CSTF3: variants seen among roughly 807,000 people sequenced by gnomAD.
CSTF3 encodes the protein CF-1 77 kDa subunit.
CSTF3 carries 29 observed loss-of-function variants against 105.8 expected under a neutral mutation model. The observed-to-expected ratio is 0.27, with a 90% CI of 0.20 to 0.37. The LOEUF (loss-of-function observed/expected upper bound fraction) is 0.37, where lower values mean the gene tolerates loss of function less well. CSTF3 is among the 10% of genes least tolerant of loss of function. The pLI is 1.00. For missense variants in CSTF3, 357 were observed against 879.3 expected, an observed-to-expected ratio of 0.41 and a Z score of 7.51; for synonymous variants, 252 against 281.9, an observed-to-expected ratio of 0.89 and a Z score of 1.06.
intron 15 of CSTF3, among the ~76,000 whole-genome samples, chr11:33,095,540 G>C (rs1385852863): frequency 6.6e-6 from 1 of 152,072 alleles, no homozygotes; most frequent in African/African-American, 2.4e-5. Flanking sequence ...ACTAAAAACC[G>C]GCCGGGCGCG....
At position 33,099,152 on chromosome 11, in the gene CSTF3, TGGTA is replaced by T. The variant is rs1449381060; in HGVS notation, c.937-6_937-3del. On this transcript the variant is annotated splice_polypyrimidine_tract_variant and splice_region_variant and intron_variant, in intron 11 of 20. Transcript: ENST00000323959. This position sits in a 1 kb window ranked among gnomAD's most constrained non-coding sequence, Gnocchi z 4.1. Reference sequence around the variant, plus strand: ...AAATAATTTGGCATTATTCATATCCTGGTAGAAAAAAAAGAAAGCTCATCTTCAA... The same window carrying T: ...AAATAATTTGGCATTATTCATATCCTGAAAAAAAAGAAAGCTCATCTTCAA... The T allele has an allele frequency of 4.5e-6, 7 of 1,571,980 alleles. No individual in the cohort carries two copies. Among genetic ancestry groups the T allele is most frequent in the Non-Finnish European group, 6.0e-6 (7 of 1,170,620 alleles).
rs75430271 is a variant in CSTF3 at position 33,153,298 on chromosome 11, A to G, written c.27+8001T>C. The stretch of plus-strand genomic sequence containing the variant: ...GAAAAGGGAGGAAAGACCATTTTTA[A>G]CAGCCTTTACATACAATTGTGGATA... On this transcript the variant is annotated intron_variant, in intron 1 of 20. Transcript: ENST00000323959. Among the ~76,000 whole-genome samples, 1,398 of 152,298 alleles carry G rather than the reference A, an allele frequency of 9.2e-3. 21 individuals carry two copies. The highest frequency in any genetic ancestry group is 0.031 in the African/African-American group (1,302 of 41,572).
chr11:33,156,766 A>G (rs1270541677), intron 1 of CSTF3: 2 of 453,292 alleles, frequency 4.4e-6, no homozygotes, highest in Non-Finnish European at 8.8e-6. Flanking sequence ...CAGGAGTTCA[A>G]GACCAGCCTG....
At chr11:33,124,266 A>G (rs1565011607) in intron 3 of CSTF3, among the ~76,000 whole-genome samples, 1 of 152,128 alleles carries the variant, frequency 6.6e-6, no homozygotes, top group Non-Finnish European at 1.5e-5. Flanking sequence ...TCATTTAGTT[A>G]ATTTCCAAAC....
At chr11:33,094,896 TTTA>T (rs1363485994) in intron 15 of CSTF3, among the ~76,000 whole-genome samples, 1 of 151,962 alleles carries the variant, frequency 6.6e-6, no homozygotes, top group African/African-American at 2.4e-5. Flanking sequence ...ATTTATTTAC[TTTA>T]TTATTATTAT....
Position 33,161,462 on chromosome 11 carries a change from G to C in CSTF3, c.-137C>G, listed in dbSNP as rs979479887. 7.2e-6 allele frequency: 6 copies of C among 829,508 alleles called. No homozygotes were observed. The East Asian group carries it at 1.3e-4, about 18-fold the overall frequency. 51.4% of individuals were successfully genotyped at this position (829,508 alleles called of 1,614,324 possible). On this transcript the variant is annotated 5_prime_UTR_variant, in exon 1 of 21. Transcript: ENST00000323959. ...CAGACCGCCAACACCAATCGCCACC[G>C]CCCACTCAAATATGAATTAAAATGG...
chr11:33,153,627 GATCTC>G (rs540300691), intron 1 of CSTF3, among the ~76,000 whole-genome samples: 208 of 147,358 alleles, frequency 1.4e-3, no homozygotes, highest in Admixed American at 2.7e-3. Context: ...AACAGAGCAA[GATCTC>G]ATCTCTAAAA....
chr11:33,152,956 CA>C (rs536758629), intron 1 of CSTF3, among the ~76,000 whole-genome samples: 1,418 of 133,506 alleles, frequency 0.011, 19 homozygotes, highest in African/African-American at 0.036. Context: ...ACTCCGCCTC[CA>C]AAAAAAAAAA....
intron 3 of CSTF3, among the ~76,000 whole-genome samples, chr11:33,119,872 T>A (rs1377794133): frequency 6.6e-6 from 1 of 151,776 alleles, no homozygotes; most frequent in African/African-American, 2.4e-5. Flanking sequence ...AGTTCCTTTT[T>A]AGAAAATGCT....
At chr11:33,141,421 A>T in intron 3 of CSTF3, 1 of 1,238,216 alleles carries the variant, frequency 8.1e-7, no homozygotes, top group Non-Finnish European at 1.0e-6. Flanking sequence ...AAAAGGCTAA[A>T]GCACTCCAAT....
At chr11:33,146,884 G>A (rs907156623) in intron 1 of CSTF3, among the ~76,000 whole-genome samples, 25 of 152,010 alleles carry the variant, frequency 1.6e-4, no homozygotes, top group African/African-American at 5.8e-4. Context: ...AGAAATTTTA[G>A]GCCAGGCATG....
chr11:33,141,489 T>C (rs890324309), intron 3 of CSTF3, 178 bp downstream of exon 3: 6 of 1,323,860 alleles, frequency 4.5e-6, no homozygotes, highest in Non-Finnish European at 5.8e-6. Context: ...CATCAGCTTG[T>C]AAAAGACCCA....
chr11:33,121,924 TAAC>T (rs955389910), intron 3 of CSTF3, among the ~76,000 whole-genome samples: 44 of 152,244 alleles, frequency 2.9e-4, no homozygotes, highest in East Asian at 2.1e-3. Context: ...AAAATTAAAT[TAAC>T]AACAACAACA....
At chr11:33,098,028 A>G (rs1855242865) in intron 13 of CSTF3, among the ~76,000 whole-genome samples, 1 of 152,194 alleles carries the variant, frequency 6.6e-6, no homozygotes, top group Non-Finnish European at 1.5e-5. Context: ...TGTTTGTGGA[A>G]TGAATTATAA....
intron 18 of CSTF3, 75 bp from the exon 19 acceptor site, chr11:33,086,064 A>T: frequency 1.1e-6 from 1 of 925,146 alleles, no homozygotes; most frequent in Non-Finnish European, 1.5e-6. Context: ...AGTGACTTGC[A>T]CATAAAGATC....
intron 13 of CSTF3, among the ~76,000 whole-genome samples, chr11:33,097,906 G>A (rs1404195887): frequency 6.6e-6 from 1 of 152,104 alleles, no homozygotes. Flanking sequence ...AGTTTTGATG[G>A]ATGGATGGAT....
intron 14 of CSTF3, 46 bp from the exon 15 acceptor site, chr11:33,096,454 T>TA (rs1176859935): frequency 1.7e-6 from 2 of 1,157,866 alleles, no homozygotes. Context: ...AAATGTCAGA[T>TA]AAAAAACACT....
chr11:33,129,906 A>G (rs538596978), intron 3 of CSTF3, among the ~76,000 whole-genome samples: 1 of 152,342 alleles, frequency 6.6e-6, no homozygotes, highest in East Asian at 1.9e-4. Flanking sequence ...CTTACAATCA[A>G]CTGAGGAATA....
At chr11:33,134,849 GT>G (rs1855636457) in intron 3 of CSTF3, among the ~76,000 whole-genome samples, 2 of 152,070 alleles carry the variant, frequency 1.3e-5, no homozygotes, top group South Asian at 4.1e-4. Context: ...GAAATAACTG[GT>G]TATTTGTGAG....
Sources: gnomAD v4.1 joint callset for allele counts (sites outside exome capture counted in the v4.1 genomes callset) on GRCh38, gnomAD v4.1.1 for gene constraint, Gnocchi (gnomAD v3.1) non-coding constraint, MANE v1.5 for transcripts, NCBI Gene and HGNC (gene_info 2026-07-23, HGNC 2026-07-21) for gene names.